The following LARS1 variants were observed in gnomAD, a reference collection of about 807,000 sequenced individuals.
LARS1 encodes the protein leucyl-tRNA synthetase 1, also known as leucine--tRNA ligase, cytoplasmic.
LARS1 carries 100 observed loss-of-function variants against 162.8 expected under a neutral mutation model. The observed-to-expected ratio is 0.61, with a 90% CI of 0.52 to 0.73. The LOEUF is 0.73. Among genes scored for constraint, LARS1 ranks in the 30% least tolerant of loss-of-function variants. LARS1 has a pLI of 0.00. For synonymous variants in LARS1, 457 were observed against 462.8 expected, an observed-to-expected ratio of 0.99 and a Z score of 0.16; for missense variants, 1,258 against 1,408.9, an observed-to-expected ratio of 0.89 and a Z score of 1.71.
chr5:146,164,905 A>G (rs998085606), intron 5 of LARS1, among the ~76,000 whole-genome samples: 1 of 152,242 alleles, frequency 6.6e-6, no homozygotes, highest in African/African-American at 2.4e-5. Flanking sequence ...TGAAGGTAGG[A>G]AATTTGGTTA....
intron 6 of LARS1, among the ~76,000 whole-genome samples, chr5:146,161,258 C>T (rs1041459310): frequency 6.6e-6 from 1 of 152,136 alleles, no homozygotes; most frequent in Non-Finnish European, 1.5e-5. Flanking sequence ...AGTCTTGCCT[C>T]GATGACGGCT....
At chr5:146,164,548 A>G in intron 5 of LARS1, 77 bp from the exon 6 acceptor site, 1 of 1,387,956 alleles carries the variant, frequency 7.2e-7, no homozygotes, top group Non-Finnish European at 1.0e-6. Flanking sequence ...ATATTAATGA[A>G]TGTAATTTTT....
intron 28 of LARS1, 128 bp downstream of exon 28, chr5:146,126,304 GTCA>G (rs1299355107): frequency 5.5e-6 from 3 of 548,912 alleles, no homozygotes; most frequent in Non-Finnish European, 3.3e-6. Flanking sequence ...ATTTCTCTCA[GTCA>G]TTGATTGAAA....
chr5:146,177,681 A>T lies in LARS1; in HGVS notation c.7-16T>A. On this transcript the variant is annotated splice_polypyrimidine_tract_variant and intron_variant, in intron 1 of 31. Transcript: ENST00000394434. ...CTTTTCTTTCCTATTGGACACAAAG[A>T]GAATAATCCACTCTGTATTTCAGCA... 1 of 1,340,462 alleles carries T rather than the reference A, an allele frequency of 7.5e-7. No individual in the cohort carries two copies. The highest frequency in any genetic ancestry group is 1.1e-6 in the Non-Finnish European group (1 of 942,632). The allele number at this position is 1,340,462 out of a possible 1,614,324, so 83.0% of individuals were successfully genotyped here.
At chr5:146,143,125 A>G in intron 19 of LARS1, 41 bp from the exon 20 acceptor site, 2 of 1,071,630 alleles carry the variant, frequency 1.9e-6, no homozygotes, top group Non-Finnish European at 1.3e-6. Flanking sequence ...ATATATATAT[A>G]TGTAATTTCT....
At chr5:146,149,743 G>C in intron 14 of LARS1, 44 bp from the exon 15 acceptor site, 1 of 1,388,752 alleles carries the variant, frequency 7.2e-7, no homozygotes, top group Non-Finnish European at 1.0e-6. Flanking sequence ...AAAACAGTTA[G>C]AATCTGCCTT....
At chr5:146,138,540 AACAT>A (rs1752612549) in intron 21 of LARS1, among the ~76,000 whole-genome samples, 1 of 151,946 alleles carries the variant, frequency 6.6e-6, no homozygotes, top group Non-Finnish European at 1.5e-5. Flanking sequence ...CAGCCTGGCC[AACAT>A]ACTGAAACCC....
chr5:146,155,410 C>A (rs1416579171), intron 10 of LARS1, among the ~76,000 whole-genome samples: 1 of 152,076 alleles, frequency 6.6e-6, no homozygotes, highest in Non-Finnish European at 1.5e-5. Context: ...AATGATTTAA[C>A]AAAATATGTT....
chr5:146,132,546 T>C (rs1581021385), intron 23 of LARS1: 2 of 171,444 alleles, frequency 1.2e-5, no homozygotes, highest in Non-Finnish European at 2.5e-5. Context: ...AAAATGGTTA[T>C]GAGAACAGAC....
intron 6 of LARS1, among the ~76,000 whole-genome samples, chr5:146,162,975 A>G (rs1753845563): frequency 6.6e-6 from 1 of 152,012 alleles, no homozygotes; most frequent in South Asian, 2.1e-4. Flanking sequence ...ATACCCAGCT[A>G]ATTTTTGTAT....
chr5:146,157,014 A>G (rs73315794), intron 10 of LARS1, among the ~76,000 whole-genome samples: 4,005 of 152,308 alleles, frequency 0.026, 160 homozygotes, highest in African/African-American at 0.086. Flanking sequence ...TTCCTACAAC[A>G]TGTATGAATC....
Position 146,177,553 on chromosome 5 carries a change from T to C in LARS1, c.119A>G (p.Gln40Arg), listed in dbSNP as rs773677125. 6 of 1,465,722 alleles carry C rather than the reference T, an allele frequency of 4.1e-6. No individual in the cohort carries two copies. The highest frequency in any genetic ancestry group is 5.7e-6 in the Non-Finnish European group (6 of 1,053,892). The allele number at this position is 1,465,722 out of a possible 1,614,324, so 90.8% of individuals were successfully genotyped here. Residue 40 changes from glutamine to arginine, a missense_variant, in exon 2 of 32, where the codon CAG becomes CGG. Gln to Arg is a conservative substitution (Grantham distance 43). Transcript: ENST00000394434. The stretch of plus-strand genomic sequence containing the variant: ...TTCACAAACTATTACTCACCTGGTC[T>C]GTTTCTCTAAATTAGATGCATTGAC... The part of the protein sequence containing the change: ...FEVNASNLEK[Q>R]TSKGKYFVTF...
intron 2 of LARS1, among the ~76,000 whole-genome samples, chr5:146,176,591 C>T (rs1754591950): frequency 6.6e-6 from 1 of 151,974 alleles, no homozygotes; most frequent in Non-Finnish European, 1.5e-5. Flanking sequence ...AACCGTATTT[C>T]TTCAATCTGA....
chr5:146,161,738 A>G (rs1753790191), intron 6 of LARS1, among the ~76,000 whole-genome samples: 1 of 149,790 alleles, frequency 6.7e-6, no homozygotes, highest in Admixed American at 6.8e-5. Flanking sequence ...GGGCAACAAG[A>G]GCAAAACTCC....
In LARS1 at chr5:146,142,877, T is replaced by A. The variant is rs1752847428; in HGVS notation, c.2085A>T (p.Glu695Asp). The change falls in exon 20 of 32, where the codon GAA becomes GAT. Residue 695 changes from glutamate (E) to aspartate (D), a missense_variant. By Grantham distance (45) the Glu-to-Asp change is conservative. Coordinates refer to ENST00000394434, the MANE Select transcript of LARS1 (RefSeq NM_020117.11). ...ACACCTATTTTATCATTCACCTTTG[T>A]TCCGGCCACATAGCCACATGATTAT... Reference protein sequence around the residue: ...YLYNHVAMWPEQSDKWPTAVR... With the variant: ...YLYNHVAMWPDQSDKWPTAVR... 3 of 1,612,914 alleles carry A rather than the reference T, an allele frequency of 1.9e-6. No homozygotes were observed. Among genetic ancestry groups the A allele is most frequent in the Non-Finnish European group, 2.5e-6 (3 of 1,178,964 alleles).
At chr5:146,166,859 A>C (rs1754031518) in intron 5 of LARS1, among the ~76,000 whole-genome samples, 1 of 152,200 alleles carries the variant, frequency 6.6e-6, no homozygotes, top group Non-Finnish European at 1.5e-5. Context: ...TTATTTAAAA[A>C]AAAATGAAAT....
At chr5:146,152,026 C>A in intron 13 of LARS1, 24 bp from the exon 14 acceptor site, 1 of 1,612,638 alleles carries the variant, frequency 6.2e-7, no homozygotes, top group Non-Finnish European at 8.5e-7. Context: ...CAATCAGGAA[C>A]GTGTTCACAC....
At position 146,114,063 on chromosome 5, in the gene LARS1, A is replaced by G. The variant is rs761065138; in HGVS notation, c.*43T>C. 3 of 1,426,358 alleles carry G rather than the reference A, an allele frequency of 2.1e-6. No individual in the cohort carries two copies. In the African/African-American group the frequency reaches 4.2e-5, roughly 20 times the overall value. 88.4% of individuals were successfully genotyped at this position (1,426,358 alleles called of 1,614,324 possible). A position where few individuals can be genotyped will look rare whatever the true frequency, so the allele number is the denominator to read the frequency against. ...AATCAGTAGACACAATCAGAGTAGT[A>G]GTATTCCTAAGAAACCAGGATAAAT... On this transcript the variant is annotated 3_prime_UTR_variant, in exon 32 of 32. Coordinates refer to ENST00000394434, the MANE Select transcript of LARS1 (RefSeq NM_020117.11).
rs777071439 is a variant in LARS1 at position 146,114,078 on chromosome 5, C to T, written c.*28G>A. 11 of 1,561,970 alleles carry T rather than the reference C, an allele frequency of 7.0e-6. No individual in the cohort carries two copies. The South Asian group carries it at 1.1e-4, about 16-fold the overall frequency. The stretch of plus-strand genomic sequence containing the variant: ...TCAGAGTAGTAGTATTCCTAAGAAA[C>T]CAGGATAAATCTCCAATGTGCATGA... On this transcript the variant is annotated 3_prime_UTR_variant, in exon 32 of 32. Transcript: ENST00000394434.
Sources: gnomAD v4.1 joint callset for allele counts (sites outside exome capture counted in the v4.1 genomes callset) on GRCh38, gnomAD v4.1.1 for gene constraint, MANE v1.5 for transcripts, NCBI Gene and HGNC (gene_info 2026-07-23, HGNC 2026-07-21) for gene names.